BSDC1: variants seen among roughly 807,000 people sequenced by gnomAD.
BSDC1 encodes the protein BSD domain-containing protein 1.
A neutral mutation model predicts 56.0 loss-of-function variants in BSDC1; 29 were observed. The ratio of observed to expected loss-of-function variants is 0.52; its 90% confidence interval spans 0.39 to 0.71. The LOEUF is 0.71. Ranked by LOEUF, BSDC1 falls within the 30% of genes least tolerant of loss-of-function variation. The pLI is 0.00. For missense variants in BSDC1, 477 were observed against 548.5 expected (o/e 0.87, Z 1.30); for synonymous variants, 210 against 215.3 (o/e 0.98, Z 0.21).
chr1:32,375,295 C>T (rs2148118433), intron 9 of BSDC1, among the ~76,000 whole-genome samples: 1 of 152,174 alleles, frequency 6.6e-6, no homozygotes, highest in South Asian at 2.1e-4. Context: ...CATTTCCCAT[C>T]CACTGTGGCA....
intron 3 of BSDC1, chr1:32,386,459 T>C (rs1570161497): frequency 7.6e-6 from 2 of 262,662 alleles, no homozygotes; most frequent in Non-Finnish European, 7.3e-6. Context: ...TGGATGTCTC[T>C]AGGTCTTTCT....
chr1:32,366,582 A>C lies in BSDC1; in HGVS notation c.*40T>G. The C allele has an allele frequency of 1.3e-6, 2 of 1,500,418 alleles. No individual in the cohort carries two copies. The highest frequency in any genetic ancestry group is 2.5e-5 in the East Asian group (1 of 40,464). The allele number at this position is 1,500,418 out of a possible 1,614,324, so 92.9% of individuals were successfully genotyped here. On this transcript the variant is annotated 3_prime_UTR_variant, in exon 11 of 11. Coordinates refer to ENST00000455895, the MANE Select transcript of BSDC1 (RefSeq NM_018045.8). ...TGGGCTGAGACGAGCGAGGGAGGCG[A>C]GAGATGCCATGGGTGGGGGAGCTGC...
intron 1 of BSDC1, 68 bp from the exon 2 acceptor site, chr1:32,394,208 T>C (rs1020273196): frequency 1.3e-6 from 2 of 1,580,012 alleles, no homozygotes; most frequent in African/African-American, 1.4e-5. Context: ...TCCGGTTTGT[T>C]CCCCGCTCAG....
chr1:32,388,264 T>A (rs1463308432), intron 2 of BSDC1, among the ~76,000 whole-genome samples: 1 of 152,226 alleles, frequency 6.6e-6, no homozygotes, highest in Admixed American at 6.5e-5. Flanking sequence ...AATGGCACAG[T>A]CTATCAGCTA....
Position 32,366,118 on chromosome 1 carries a change from C to A in BSDC1, c.*504G>T. The A allele has an allele frequency of 5.8e-6, 1 of 172,068 alleles. No homozygotes were observed. Among genetic ancestry groups the A allele is most frequent in the Non-Finnish European group, 1.3e-5 (1 of 79,678 alleles). 10.7% of individuals were successfully genotyped at this position (172,068 alleles called of 1,614,324 possible). On this transcript the variant is annotated 3_prime_UTR_variant, in exon 11 of 11. Coordinates refer to ENST00000455895, the MANE Select transcript of BSDC1 (RefSeq NM_018045.8). ...GAGGCAAATTTCCCAGAGATAAGTG[C>A]CTCTTACCCACTGGGATAGGAACCA...
At chr1:32,373,925 G>C (rs1301531465) in intron 9 of BSDC1, among the ~76,000 whole-genome samples, 1 of 152,096 alleles carries the variant, frequency 6.6e-6, no homozygotes, top group East Asian at 1.9e-4. Context: ...ACTGAATATG[G>C]CTGAACAAAA....
chr1:32,390,186 G>C (rs1642818680), intron 2 of BSDC1, among the ~76,000 whole-genome samples: 1 of 152,156 alleles, frequency 6.6e-6, no homozygotes, highest in Non-Finnish European at 1.5e-5. Flanking sequence ...TGGGACATGA[G>C]ATTTGCCTTT....
At chr1:32,386,718 G>A (rs1020777830) in intron 3 of BSDC1, 61 bp downstream of exon 3, 1 of 1,227,260 alleles carries the variant, frequency 8.1e-7, no homozygotes, top group African/African-American at 1.5e-5. Flanking sequence ...GAAAGGTTGG[G>A]AGCCCAGGAC....
chr1:32,375,125 C>A (rs1642231579), intron 9 of BSDC1, among the ~76,000 whole-genome samples: 1 of 151,818 alleles, frequency 6.6e-6, no homozygotes, highest in Non-Finnish European at 1.5e-5. Flanking sequence ...GCACTCCAGC[C>A]TAGGCGACAG....
rs1641843511 is a variant in BSDC1, at chr1:32,366,205, T to C, written c.*417A>G. 4 of 315,006 alleles carry C rather than the reference T, an allele frequency of 1.3e-5. No individual in the cohort carries two copies. The highest frequency in any genetic ancestry group is 4.4e-5 in the African/African-American group (2 of 45,526). The allele number at this position is 315,006 out of a possible 1,614,324, so 19.5% of individuals were successfully genotyped here. On this transcript the variant is annotated 3_prime_UTR_variant, in exon 11 of 11. Coordinates refer to ENST00000455895, the MANE Select transcript of BSDC1 (RefSeq NM_018045.8). ...TGGCATGGCCCTCCCTGCCTGCTTATGTATGGACAGAGTATGTTGTCTCAG... is the reference window on the plus strand; with the variant it reads ...TGGCATGGCCCTCCCTGCCTGCTTACGTATGGACAGAGTATGTTGTCTCAG...
At position 32,383,887 on chromosome 1, in the gene BSDC1, A is replaced by G. The variant is rs751401179; in HGVS notation, c.300T>C (p.Asp100=). The G allele has an allele frequency of 9.3e-6, 15 of 1,612,288 alleles. No individual in the cohort carries two copies. The highest frequency in any genetic ancestry group is 4.0e-5 in the African/African-American group (3 of 74,860). The change falls in exon 4 of 11, where the codon GAT becomes GAC. Residue 100 remains aspartate, a synonymous_variant. Coordinates refer to ENST00000455895, the MANE Select transcript of BSDC1 (RefSeq NM_018045.8). ...ACGGTGTGCCCATCAGGGTGATGAC[A>G]TCGCAGTCGATGGTTTTGTCTGGCG... ...APSPDKTIDC[D]VITLMGTPSG...
chr1:32,383,093 T>C (rs1399378251), intron 4 of BSDC1, among the ~76,000 whole-genome samples: 2 of 151,822 alleles, frequency 1.3e-5, no homozygotes, highest in Non-Finnish European at 2.9e-5. Flanking sequence ...ATATGCAACA[T>C]GAAGGAAATA....
chr1:32,389,088 G>A (rs1463549423), intron 2 of BSDC1, among the ~76,000 whole-genome samples: 1 of 151,728 alleles, frequency 6.6e-6, no homozygotes, highest in Admixed American at 6.6e-5. Flanking sequence ...CCGAGTAGCT[G>A]GGACTACAGG....
chr1:32,369,485 T>C lies in BSDC1; in HGVS notation c.1157-935A>G, dbSNP rs886724819. 3 of 326,548 alleles carry C rather than the reference T, an allele frequency of 9.2e-6. No homozygotes were observed. The East Asian group carries it at 2.7e-4, about 29-fold the overall frequency. The allele number at this position is 326,548 out of a possible 1,614,324, so 20.2% of individuals were successfully genotyped here. A position where few individuals can be genotyped will look rare whatever the true frequency, so the allele number is the denominator to read the frequency against. Reference sequence around the variant, plus strand: ...GATCATGCCACTGCAGTCCAGCCTGTTGACAGTGCAAAACCCTGTCTCTAA... The same window carrying C: ...GATCATGCCACTGCAGTCCAGCCTGCTGACAGTGCAAAACCCTGTCTCTAA... On this transcript the variant is annotated intron_variant, in intron 9 of 10. Coordinates refer to ENST00000455895, the MANE Select transcript of BSDC1 (RefSeq NM_018045.8).
In BSDC1 at chr1:32,366,206, G is replaced by A; in HGVS notation, c.*416C>T. ...GGCATGGCCCTCCCTGCCTGCTTATGTATGGACAGAGTATGTTGTCTCAGC... is the reference window on the plus strand; with the variant it reads ...GGCATGGCCCTCCCTGCCTGCTTATATATGGACAGAGTATGTTGTCTCAGC... On this transcript the variant is annotated 3_prime_UTR_variant, in exon 11 of 11. Transcript: ENST00000455895. 3.1e-6 allele frequency: 1 copy of A among 319,810 alleles called. No individual in the cohort carries two copies. The highest frequency in any genetic ancestry group is 6.1e-6 in the Non-Finnish European group (1 of 162,614). The allele number at this position is 319,810 out of a possible 1,614,324, so 19.8% of individuals were successfully genotyped here.
chr1:32,391,776 T>C (rs745584180), intron 2 of BSDC1, among the ~76,000 whole-genome samples: 19 of 151,950 alleles, frequency 1.3e-4, no homozygotes, highest in Non-Finnish European at 2.2e-4. Context: ...GGAGCCAGAA[T>C]GGGACATACA....
chr1:32,383,133 A>G (rs1642545751), intron 4 of BSDC1, among the ~76,000 whole-genome samples: 1 of 152,178 alleles, frequency 6.6e-6, no homozygotes, highest in Non-Finnish European at 1.5e-5. Flanking sequence ...ATTCACTTGT[A>G]AGAATTTAAA....
Position 32,378,574 on chromosome 1 carries a change from T to TCTTG in BSDC1, c.528+146_528+149dup, listed in dbSNP as rs1642374835. On this transcript the variant is annotated intron_variant, in intron 6 of 10. Coordinates refer to ENST00000455895, the MANE Select transcript of BSDC1 (RefSeq NM_018045.8). This position sits in a 1 kb window ranked among gnomAD's most constrained non-coding sequence, Gnocchi z 5.2. ...GCAAACCAGCTTCTCCCATGTGGGG[T>TCTTG]CTTGGCTCAGGACACAGCTGGTCTG... 1.5e-6 allele frequency: 1 copy of TCTTG among 659,048 alleles called. No individual in the cohort carries two copies. Among genetic ancestry groups the TCTTG allele is most frequent in the African/African-American group, 1.8e-5 (1 of 54,742 alleles). The allele number at this position is 659,048 out of a possible 1,614,324, so 40.8% of individuals were successfully genotyped here. A position where few individuals can be genotyped will look rare whatever the true frequency, so the allele number is the denominator to read the frequency against.
At position 32,386,885 on chromosome 1, in the gene BSDC1, G is replaced by C. The variant is rs1264739102; in HGVS notation, c.83C>G (p.Ala28Gly). 1 of 1,612,100 alleles carries C rather than the reference G, an allele frequency of 6.2e-7. No individual in the cohort carries two copies. The highest frequency in any genetic ancestry group is 1.7e-5 in the Admixed American group (1 of 60,024). Reference sequence around the variant, plus strand: ...CAGGTCCCGCTTCATAAACTCCAAGGCTTCAGAGGACTGTGGGAAGACAGA... The same window carrying C: ...CAGGTCCCGCTTCATAAACTCCAAGCCTTCAGAGGACTGTGGGAAGACAGA... Reference protein sequence around the residue: ...YQAVKEKSSEALEFMKRDLTE... With the variant: ...YQAVKEKSSEGLEFMKRDLTE... The change falls in exon 3 of 11, where the codon GCC becomes GGC. Residue 28 changes from alanine to glycine, a missense_variant. Coordinates refer to ENST00000455895, the MANE Select transcript of BSDC1 (RefSeq NM_018045.8).
Sources: allele counts gnomAD v4.1 joint callset (sites outside exome capture counted in the v4.1 genomes callset), GRCh38; gene constraint gnomAD v4.1.1; non-coding constraint Gnocchi (gnomAD v3.1); transcripts MANE v1.5; gene names NCBI Gene and HGNC (gene_info 2026-07-23, HGNC 2026-07-21).